The following CCDC146 variants were observed in gnomAD, a reference collection of about 807,000 sequenced individuals.
CCDC146 encodes coiled-coil domain containing 146.
Under a neutral mutation model 119.3 loss-of-function variants are expected in CCDC146, and 92 were observed. The ratio of observed to expected loss-of-function variants is 0.77; its 90% CI spans 0.65 to 0.92. CCDC146 has a LOEUF of 0.92. Ranked by LOEUF, CCDC146 falls within the 40% of genes least tolerant of loss-of-function variation. CCDC146 has a pLI of 0.00. For missense variants in CCDC146, 1,000 were observed against 1,103.0 expected (o/e 0.91, Z 1.32); for synonymous variants, 372 against 371.8 (o/e 1.00, Z -0.01).
At chr7:77,166,317 T>C (rs181074790) in intron 1 of CCDC146, among the ~76,000 whole-genome samples, 1 of 152,200 alleles carries the variant, frequency 6.6e-6, no homozygotes, top group Non-Finnish European at 1.5e-5. Flanking sequence ...TTTGAAATGA[T>C]TTATCAGAAA....
At chr7:77,169,511 TG>T (rs1791385819) in intron 2 of CCDC146, among the ~76,000 whole-genome samples, 1 of 152,290 alleles carries the variant, frequency 6.6e-6, no homozygotes, top group Non-Finnish European at 1.5e-5. Flanking sequence ...GGTTGTCAAA[TG>T]GTGATTTTCT....
chr7:77,217,354 G>GTA lies in CCDC146; in HGVS notation c.157-19585_157-19584dup, dbSNP rs201008864. ...TACACACACACACACACACACATATGTATATATATGTGTGTATGTATATGC... is the reference window on the plus strand; with the variant it reads ...TACACACACACACACACACACATATGTATATATATATGTGTGTATGTATATGC... On this transcript the variant is annotated intron_variant, in intron 2 of 18. Coordinates refer to ENST00000285871, the MANE Select transcript of CCDC146 (RefSeq NM_020879.3). Among the ~76,000 whole-genome samples the GTA allele has an allele frequency of 1.0e-3, 154 of 149,856 alleles. 1 individual carries two copies. In the East Asian group the frequency reaches 0.022, roughly 21 times the overall value.
chr7:77,159,058 G>A (rs1357209123), intron 1 of CCDC146, among the ~76,000 whole-genome samples: 1 of 151,848 alleles, frequency 6.6e-6, no homozygotes, highest in Non-Finnish European at 1.5e-5. Flanking sequence ...ATGAGTTTGG[G>A]GATAAGTATA....
intron 2 of CCDC146, among the ~76,000 whole-genome samples, chr7:77,224,441 A>C (rs929539677): frequency 5.3e-5 from 8 of 152,122 alleles, no homozygotes; most frequent in African/African-American, 1.9e-4. Context: ...TGAAGTACTC[A>C]CATGATTGGA....
chr7:77,218,530 G>T (rs1258945279), intron 2 of CCDC146, among the ~76,000 whole-genome samples: 1 of 151,808 alleles, frequency 6.6e-6, no homozygotes, highest in Non-Finnish European at 1.5e-5. Flanking sequence ...GAATCCAGTG[G>T]AATATGAATC....
At chr7:77,254,645 C>A in intron 5 of CCDC146, 82 bp downstream of exon 5, 1 of 744,258 alleles carries the variant, frequency 1.3e-6, no homozygotes, top group Non-Finnish European at 2.2e-6. Context: ...TTTATCACAA[C>A]CACCATAGCC....
At chr7:77,133,043 C>T (rs368754145) in intron 1 of CCDC146, among the ~76,000 whole-genome samples, 14 of 152,002 alleles carry the variant, frequency 9.2e-5, no homozygotes, top group African/African-American at 3.1e-4. Context: ...TGGTGGTACA[C>T]GCCTGCAATC....
At chr7:77,228,855 T>A (rs1241712505) in intron 2 of CCDC146, among the ~76,000 whole-genome samples, 1 of 152,244 alleles carries the variant, frequency 6.6e-6, no homozygotes, top group Admixed American at 6.5e-5. Context: ...TATCTTTAGT[T>A]CTGGGGTACA....
At chr7:77,267,284 C>T (rs759516867) in intron 9 of CCDC146, among the ~76,000 whole-genome samples, 14 of 152,118 alleles carry the variant, frequency 9.2e-5, no homozygotes, top group East Asian at 1.9e-4. Flanking sequence ...TGAGCCATCG[C>T]GCCTGGCCCA....
At chr7:77,234,538 C>A (rs898916761) in intron 2 of CCDC146, among the ~76,000 whole-genome samples, 2 of 152,098 alleles carry the variant, frequency 1.3e-5, no homozygotes, top group African/African-American at 2.4e-5. Context: ...AGTTCAAGAC[C>A]AGCCTGGGCA....
At position 77,267,870 on chromosome 7, in the gene CCDC146, T is replaced by C. The variant is rs1012786285; in HGVS notation, c.1173+5563T>C. On this transcript the variant is annotated intron_variant, in intron 9 of 18. Coordinates refer to ENST00000285871, the MANE Select transcript of CCDC146 (RefSeq NM_020879.3). Reference sequence around the variant, plus strand: ...TAAAACACATTTGATGGCCTATTCATTTACTCTTCTTGAAGAAATCTCTTC... The same window carrying C: ...TAAAACACATTTGATGGCCTATTCACTTACTCTTCTTGAAGAAATCTCTTC... 3.9e-5 allele frequency among the ~76,000 whole-genome samples: 6 copies of C among 152,344 alleles called. No homozygotes were observed. The East Asian group carries it at 1.2e-3, about 29-fold the overall frequency.
At chr7:77,142,027 C>A (rs1232659728) in intron 1 of CCDC146, among the ~76,000 whole-genome samples, 2 of 152,032 alleles carry the variant, frequency 1.3e-5, no homozygotes, top group African/African-American at 4.8e-5. Context: ...GGGTTTTCTT[C>A]TAGGGTTTTT....
Position 77,191,851 on chromosome 7 carries a change from A to G in CCDC146, c.156+24027A>G, listed in dbSNP as rs980966854. On this transcript the variant is annotated intron_variant, in intron 2 of 18. Transcript: ENST00000285871. ...TGTGAACCCAGGAGGCGGAGCGTGC[A>G]GTGAGCCGAGATGGTGCTACTGCAC... Among the ~76,000 whole-genome samples, 3 of 151,968 alleles carry G rather than the reference A, an allele frequency of 2.0e-5. No individual in the cohort carries two copies. The East Asian group carries it at 5.9e-4, about 30-fold the overall frequency.
At chr7:77,225,702 G>T (rs1792497188) in intron 2 of CCDC146, among the ~76,000 whole-genome samples, 1 of 152,220 alleles carries the variant, frequency 6.6e-6, no homozygotes, top group Non-Finnish European at 1.5e-5. Flanking sequence ...CAACACTTTG[G>T]GAGGCCGAGG....
At chr7:77,166,514 G>A (rs985439730) in intron 1 of CCDC146, among the ~76,000 whole-genome samples, 1 of 151,064 alleles carries the variant, frequency 6.6e-6, no homozygotes, top group Non-Finnish European at 1.5e-5. Context: ...TATAAATTTT[G>A]ATGATCTAGT....
At chr7:77,256,233 T>A in intron 5 of CCDC146, 100 bp from the exon 6 acceptor site, 1 of 809,962 alleles carries the variant, frequency 1.2e-6, no homozygotes, top group Non-Finnish European at 1.9e-6. Flanking sequence ...TCAAAACAAA[T>A]ATAATCAAAA....
In CCDC146 at chr7:77,235,348, G is replaced by T. The variant is rs185389154; in HGVS notation, c.157-1599G>T. 1.2e-4 allele frequency among the ~76,000 whole-genome samples: 19 copies of T among 152,338 alleles called. No homozygotes were observed. The East Asian group carries it at 3.5e-3, about 28-fold the overall frequency. On this transcript the variant is annotated intron_variant, in intron 2 of 18. Coordinates refer to ENST00000285871, the MANE Select transcript of CCDC146 (RefSeq NM_020879.3). ...TTATCTTCTTTAGATTTGGAAGTCAGAAAAGGCCTTCTTATGAATTCATAT... is the reference window on the plus strand; with the variant it reads ...TTATCTTCTTTAGATTTGGAAGTCATAAAAGGCCTTCTTATGAATTCATAT...
chr7:77,196,274 G>A lies in CCDC146; in HGVS notation c.156+28450G>A. 6.2e-7 allele frequency: 1 copy of A among 1,604,942 alleles called. No individual in the cohort carries two copies. The highest frequency in any genetic ancestry group is 1.3e-5 in the African/African-American group (1 of 74,772). On this transcript the variant is annotated intron_variant, in intron 2 of 18. Coordinates refer to ENST00000285871, the MANE Select transcript of CCDC146 (RefSeq NM_020879.3). This position sits in a 1 kb window ranked among gnomAD's most constrained non-coding sequence, Gnocchi z 4.2. ...ACGAATACCTGGAGGAATGAACAGA[G>A]TGATTTATGGCTTAAAGTGCTTGGG...
chr7:77,249,289 A>T (rs1167800584), intron 4 of CCDC146, among the ~76,000 whole-genome samples: 5 of 152,180 alleles, frequency 3.3e-5, no homozygotes, highest in Non-Finnish European at 7.3e-5. Context: ...CGAGATCAAG[A>T]CCATCCTGGC....
Sources: gnomAD v4.1 joint callset for allele counts (sites outside exome capture counted in the v4.1 genomes callset) on GRCh38, gnomAD v4.1.1 for gene constraint, Gnocchi (gnomAD v3.1) non-coding constraint, MANE v1.5 for transcripts, NCBI Gene and HGNC (gene_info 2026-07-23, HGNC 2026-07-21) for gene names.